The following CTNNA2 variants were observed in gnomAD, a reference collection of about 807,000 sequenced individuals.
CTNNA2 encodes catenin alpha 2, also known as catenin alpha-2.
A neutral mutation model predicts 101.0 loss-of-function variants in CTNNA2; 42 were observed. The observed-to-expected ratio is 0.42, with a 90% CI of 0.32 to 0.54. The LOEUF is 0.54. CTNNA2 is among the 20% of genes least tolerant of loss of function. The pLI, the probability that CTNNA2 is intolerant of heterozygous loss-of-function variation, is 0.14. For synonymous variants in CTNNA2, 450 were observed against 456.4 expected (o/e 0.99, Z 0.18); for missense variants, 871 against 1,223.1 (o/e 0.71, Z 4.29).
Position 80,448,867 on chromosome 2 carries a change from T to C in CTNNA2, c.1290+29266T>C, listed in dbSNP as rs765692072. 1.1e-4 allele frequency among the ~76,000 whole-genome samples: 16 copies of C among 152,194 alleles called. 1 individual carries two copies. The South Asian group carries it at 3.3e-3, about 32-fold the overall frequency. On this transcript the variant is annotated intron_variant, in intron 9 of 18. Coordinates refer to ENST00000402739, the MANE Select transcript of CTNNA2 (RefSeq NM_001282597.3). ...GCGATATTGCCTTCATTTCCCCAGCTCTCCTTCCTTTCCTCCTTTTTCTCT... is the reference window on the plus strand; with the variant it reads ...GCGATATTGCCTTCATTTCCCCAGCCCTCCTTCCTTTCCTCCTTTTTCTCT...
intron 2 of CTNNA2, among the ~76,000 whole-genome samples, chr2:79,732,400 G>T (rs1245189130): frequency 6.6e-6 from 1 of 151,946 alleles, no homozygotes; most frequent in African/African-American, 2.4e-5. Flanking sequence ...GTGTGTGAAA[G>T]CCACCTAAAA....
chr2:79,791,602 G>T (rs1675277012), intron 3 of CTNNA2, among the ~76,000 whole-genome samples: 1 of 152,148 alleles, frequency 6.6e-6, no homozygotes, highest in Non-Finnish European at 1.5e-5. Context: ...CTCCTTGAAA[G>T]AATCATGCTA....
intron 1 of CTNNA2, among the ~76,000 whole-genome samples, chr2:79,600,439 A>T (rs565002863): frequency 1.2e-3 from 178 of 152,064 alleles, no homozygotes; most frequent in Admixed American, 1.9e-3. Flanking sequence ...TGGCCTCCCA[A>T]GTGTTGGGAT....
At chr2:80,149,674 C>T (rs1028765792) in intron 7 of CTNNA2, among the ~76,000 whole-genome samples, 1 of 151,942 alleles carries the variant, frequency 6.6e-6, no homozygotes, top group Admixed American at 6.6e-5. Flanking sequence ...TGTGTAGACA[C>T]TGAAATTTCC....
intron 7 of CTNNA2, among the ~76,000 whole-genome samples, chr2:80,345,550 C>G (rs934952880): frequency 6.6e-6 from 1 of 151,908 alleles, no homozygotes; most frequent in Non-Finnish European, 1.5e-5. Context: ...TTGTTTGCAT[C>G]CTCCCAGAAG....
At chr2:79,585,172 T>C (rs924844218) in intron 1 of CTNNA2, among the ~76,000 whole-genome samples, 7 of 152,102 alleles carry the variant, frequency 4.6e-5, no homozygotes, top group African/African-American at 1.4e-4. Context: ...TTTTCTTCTG[T>C]ATATATAAAA....
intron 7 of CTNNA2, among the ~76,000 whole-genome samples, chr2:80,208,086 A>G (rs1047754987): frequency 6.6e-6 from 1 of 152,180 alleles, no homozygotes; most frequent in Non-Finnish European, 1.5e-5. Context: ...TTTATTGCTT[A>G]AGCAAGACCA....
chr2:79,724,910 G>A (rs1376841618), intron 2 of CTNNA2, among the ~76,000 whole-genome samples: 2 of 150,958 alleles, frequency 1.3e-5, no homozygotes, highest in Non-Finnish European at 2.9e-5. Context: ...CGTCTACTCT[G>A]CGGTACTCCC....
chr2:79,498,595 A>G (rs1671284087), intron 4 of CTNNA2, among the ~76,000 whole-genome samples: 1 of 148,210 alleles, frequency 6.7e-6, no homozygotes, highest in South Asian at 2.1e-4. Context: ...CGGAGCAATT[A>G]AAAAAAAACC....
chr2:80,494,796 C>T (rs1405808922), intron 9 of CTNNA2, among the ~76,000 whole-genome samples: 1 of 135,254 alleles, frequency 7.4e-6, no homozygotes, highest in Non-Finnish European at 1.6e-5. Context: ...TGTTAAAAAT[C>T]TTACTTAACT....
chr2:80,449,038 T>C (rs1198512545), intron 9 of CTNNA2, among the ~76,000 whole-genome samples: 1 of 152,158 alleles, frequency 6.6e-6, no homozygotes, highest in African/African-American at 2.4e-5. Flanking sequence ...ATTGATGATA[T>C]GGGTTTGTAC....
At chr2:80,526,344 C>T (rs190285931) in intron 9 of CTNNA2, among the ~76,000 whole-genome samples, 4 of 152,252 alleles carry the variant, frequency 2.6e-5, no homozygotes, top group East Asian at 3.9e-4. Flanking sequence ...GGATTACAGG[C>T]GTGCATCACC....
chr2:79,955,212 T>A (rs914453429), intron 7 of CTNNA2, among the ~76,000 whole-genome samples: 1 of 152,212 alleles, frequency 6.6e-6, no homozygotes, highest in African/African-American at 2.4e-5. Flanking sequence ...TTGATAAATG[T>A]CCCACTCCCC....
chr2:79,688,829 G>T (rs75263414), intron 2 of CTNNA2, among the ~76,000 whole-genome samples: 1 of 151,918 alleles, frequency 6.6e-6, no homozygotes, highest in African/African-American at 2.4e-5. Flanking sequence ...TTCCCATCAC[G>T]CTTGCTGCAT....
chr2:80,096,432 T>C (rs185305530), intron 7 of CTNNA2, among the ~76,000 whole-genome samples: 1 of 152,310 alleles, frequency 6.6e-6, no homozygotes, highest in East Asian at 1.9e-4. Context: ...AACTATGTGG[T>C]CAATTTTGGA....
intron 4 of CTNNA2, among the ~76,000 whole-genome samples, chr2:79,459,103 A>G (rs966755615): frequency 1.3e-5 from 2 of 152,272 alleles, no homozygotes; most frequent in African/African-American, 2.4e-5. Flanking sequence ...CAAGATGAAA[A>G]CTTCTCACAC....
chr2:79,424,132 C>T (rs1026321353), intron 4 of CTNNA2, among the ~76,000 whole-genome samples: 2 of 151,996 alleles, frequency 1.3e-5, no homozygotes, highest in Non-Finnish European at 2.9e-5. Flanking sequence ...GGTGAGGGAC[C>T]GGTTCAGCCA....
intron 2 of CTNNA2, among the ~76,000 whole-genome samples, chr2:79,691,703 G>A (rs569354604): frequency 1.3e-5 from 2 of 151,834 alleles, no homozygotes; most frequent in South Asian, 2.1e-4. Context: ...CAGAACAGAG[G>A]CCTCAGAAAT....
At chr2:80,094,507 A>G (rs1433288683) in intron 7 of CTNNA2, among the ~76,000 whole-genome samples, 1 of 152,174 alleles carries the variant, frequency 6.6e-6, no homozygotes, top group Non-Finnish European at 1.5e-5. Context: ...TTGGTTCCAT[A>G]TGAACTTTAA....
Sources: gnomAD v4.1 joint callset for allele counts (sites outside exome capture counted in the v4.1 genomes callset) on GRCh38, gnomAD v4.1.1 for gene constraint, MANE v1.5 for transcripts, NCBI Gene and HGNC (gene_info 2026-07-23, HGNC 2026-07-21) for gene names.